Variants in C2CD3 observed in about 807,000 individuals in gnomAD.
C2CD3 encodes C2 domain containing 3 centriole elongation regulator.
In C2CD3, 148 loss-of-function variants were observed where a neutral mutation model predicts 234.0. That is an observed-to-expected ratio of 0.63 (90% CI 0.55 to 0.72). The LOEUF (loss-of-function observed/expected upper bound fraction) is 0.72. Ranked by LOEUF, C2CD3 falls within the 30% of genes least tolerant of loss-of-function variation. The pLI is 0.00. For synonymous variants in C2CD3, 1,000 were observed against 1,035.4 expected, an observed-to-expected ratio of 0.97 and a Z score of 0.66; for missense variants, 2,577 against 2,811.5, an observed-to-expected ratio of 0.92 and a Z score of 1.89.
chr11:74,110,740 G>C (rs1956710694), intron 11 of C2CD3, among the ~76,000 whole-genome samples: 1 of 152,204 alleles, frequency 6.6e-6, no homozygotes, highest in Admixed American at 6.5e-5. Flanking sequence ...CCACTGAAAA[G>C]TGAGTTAAGG....
chr11:74,032,386 T>G (rs552957555), intron 31 of C2CD3, among the ~76,000 whole-genome samples: 20 of 152,230 alleles, frequency 1.3e-4, no homozygotes, highest in African/African-American at 4.8e-4. Flanking sequence ...GATCAGCTGG[T>G]TAGGCTACAG....
At position 74,042,070 on chromosome 11, in the gene C2CD3, T is replaced by C. The variant is rs146356507; in HGVS notation, c.5644A>G (p.Ile1882Val). 1 of 1,613,604 alleles carries C rather than the reference T, an allele frequency of 6.2e-7. No individual in the cohort carries two copies. Among genetic ancestry groups the C allele is most frequent in the Non-Finnish European group, 8.5e-7 (1 of 1,179,818 alleles). ...TTSPLSSQTS[I>V]LTSLRKNLSE... ...GAGCCTCACCTGAGAGAAGTCAGAA[T>C]GGAGGTTTGGGAGGACAAAGGTGAT... The change falls in exon 29 of 33, where the codon ATT becomes GTT. Residue 1882 changes from isoleucine (I) to valine (V), a missense_variant. Ile to Val is a conservative substitution (Grantham distance 29). Coordinates refer to ENST00000334126, the MANE Select transcript of C2CD3 (RefSeq NM_001286577.2).
chr11:74,082,160 T>C (rs1385687341), intron 22 of C2CD3, among the ~76,000 whole-genome samples: 2 of 150,260 alleles, frequency 1.3e-5, no homozygotes, highest in African/African-American at 4.9e-5. Context: ...TCTCGGTCTG[T>C]CGCCCAGGCT....
chr11:74,144,974 ATAAT>A (rs1424105281), intron 3 of C2CD3, among the ~76,000 whole-genome samples: 3 of 152,338 alleles, frequency 2.0e-5, no homozygotes, highest in Middle Eastern at 3.4e-3. Flanking sequence ...CCCTAAAAGT[ATAAT>A]TATTTAAAGC....
At chr11:74,080,508 CA>C (rs1955299720) in intron 22 of C2CD3, among the ~76,000 whole-genome samples, 1 of 152,102 alleles carries the variant, frequency 6.6e-6, no homozygotes, top group African/African-American at 2.4e-5. Flanking sequence ...TATGTGTAGA[CA>C]CAAAATTTCA....
chr11:74,034,584 T>C (rs983723122), intron 30 of C2CD3: 2 of 1,613,934 alleles, frequency 1.2e-6, no homozygotes, highest in Non-Finnish European at 8.5e-7. Context: ...GGCATGTTCA[T>C]GCTTCCAGTT....
At chr11:74,074,639 G>T in intron 23 of C2CD3, 39 bp from the exon 24 acceptor site, 1 of 1,513,792 alleles carries the variant, frequency 6.6e-7, no homozygotes, top group Non-Finnish European at 9.0e-7. Flanking sequence ...AGTCAAGCAG[G>T]AACCAAGACC....
At chr11:74,090,752 A>G (rs938177129) in intron 20 of C2CD3, 61 bp downstream of exon 20, 4 of 1,593,492 alleles carry the variant, frequency 2.5e-6, no homozygotes, top group East Asian at 2.2e-5. Context: ...ATATCTGAGC[A>G]TTATTTTACA....
chr11:74,042,304 C>T (rs1565221161), intron 28 of C2CD3, 86 bp from the exon 29 acceptor site: 1 of 1,355,978 alleles, frequency 7.4e-7, no homozygotes, highest in African/African-American at 1.5e-5. Flanking sequence ...AAACAAATCA[C>T]TATCCTGAAA....
intron 7 of C2CD3, among the ~76,000 whole-genome samples, chr11:74,132,365 C>CA (rs1005015562): frequency 2.6e-4 from 39 of 150,912 alleles, no homozygotes; most frequent in South Asian, 4.2e-4. Context: ...AAACAAAAAA[C>CA]AAAAAAAAAC....
intron 20 of C2CD3, among the ~76,000 whole-genome samples, chr11:74,090,154 A>C (rs1410123529): frequency 6.6e-6 from 1 of 151,930 alleles, no homozygotes; most frequent in African/African-American, 2.4e-5. Flanking sequence ...GATCACAAAG[A>C]TAGATGGGGG....
Position 74,094,015 on chromosome 11 carries a change from G to T in C2CD3, c.3161-16C>A, listed in dbSNP as rs370736233. ...AGAGTAATTCCTTTGGAAAAGAAAAGCATTTCAGAATAATCCAACATATGA... is the reference window on the plus strand; with the variant it reads ...AGAGTAATTCCTTTGGAAAAGAAAATCATTTCAGAATAATCCAACATATGA... On this transcript the variant is annotated splice_polypyrimidine_tract_variant and intron_variant, in intron 17 of 32. Coordinates refer to ENST00000334126, the MANE Select transcript of C2CD3 (RefSeq NM_001286577.2). 1 of 1,602,544 alleles carries T rather than the reference G, an allele frequency of 6.2e-7. No homozygotes were observed. Among genetic ancestry groups the T allele is most frequent in the South Asian group, 1.1e-5 (1 of 90,346 alleles).
chr11:74,057,084 T>C (rs928562073), intron 25 of C2CD3, among the ~76,000 whole-genome samples: 5 of 152,240 alleles, frequency 3.3e-5, no homozygotes, highest in African/African-American at 1.2e-4. Context: ...TTGTTATTGA[T>C]ATTTTTTCCC....
chr11:74,074,151 T>G, intron 24 of C2CD3, 102 bp downstream of exon 24: 1 of 790,498 alleles, frequency 1.3e-6, no homozygotes, highest in South Asian at 1.8e-5. Context: ...TATTTATCAG[T>G]TGAGATAATT....
chr11:74,170,430 TAC>T (rs903681799), intron 1 of C2CD3, among the ~76,000 whole-genome samples: 4 of 152,188 alleles, frequency 2.6e-5, no homozygotes, highest in South Asian at 2.1e-4. Flanking sequence ...CCTCGAAAGC[TAC>T]ACACACACAT....
chr11:74,068,792 G>GGTTT (rs1425179598), intron 24 of C2CD3, among the ~76,000 whole-genome samples: 10 of 151,940 alleles, frequency 6.6e-5, no homozygotes, highest in Non-Finnish European at 1.2e-4. Flanking sequence ...CCATCCCTCT[G>GGTTT]GTTTATTTAT....
At chr11:74,081,516 T>C in intron 22 of C2CD3, among the ~76,000 whole-genome samples, 1 of 152,200 alleles carries the variant, frequency 6.6e-6, no homozygotes, top group East Asian at 1.9e-4. Context: ...CCTATATCCT[T>C]ACCTGTCAGG....
intron 7 of C2CD3, among the ~76,000 whole-genome samples, chr11:74,131,849 G>A (rs1957691010): frequency 6.6e-6 from 1 of 152,066 alleles, no homozygotes; most frequent in Non-Finnish European, 1.5e-5. Flanking sequence ...TGGGATTATA[G>A]GCGTGAGCTT....
intron 24 of C2CD3, among the ~76,000 whole-genome samples, chr11:74,059,059 T>C (rs1454466963): frequency 6.6e-6 from 1 of 152,104 alleles, no homozygotes; most frequent in Non-Finnish European, 1.5e-5. Flanking sequence ...ATGCTATGAA[T>C]GTCAGGATTA....
Sources: allele counts gnomAD v4.1 joint callset (sites outside exome capture counted in the v4.1 genomes callset), GRCh38; gene constraint gnomAD v4.1.1; transcripts MANE v1.5; gene names NCBI Gene and HGNC (gene_info 2026-07-23, HGNC 2026-07-21).